The following FOXP2 variants were observed in gnomAD, a reference collection of about 807,000 sequenced individuals.
The protein encoded by FOXP2 is forkhead box protein P2.
FOXP2 carries 12 observed loss-of-function variants against 115.8 expected under a neutral mutation model. That is an observed-to-expected ratio of 0.10 (90% CI 0.07 to 0.17). FOXP2 has a LOEUF of 0.17. FOXP2 is among the 10% of genes least tolerant of loss of function. The probability of loss-of-function intolerance (pLI) is 1.00; values close to 1 mark genes in which losing one functional copy is unlikely to be tolerated. For synonymous variants in FOXP2, 328 were observed against 297.7 expected, an observed-to-expected ratio of 1.10 and a Z score of -1.05; for missense variants, 629 against 843.5, an observed-to-expected ratio of 0.75 and a Z score of 3.15.
chr7:114,648,883 T>C (rs1277648550), intron 8 of FOXP2, among the ~76,000 whole-genome samples: 1 of 152,064 alleles, frequency 6.6e-6, no homozygotes, highest in African/African-American at 2.4e-5. Flanking sequence ...CCTTTGCATT[T>C]TTTCTTCACC....
intron 1 of FOXP2, among the ~76,000 whole-genome samples, chr7:114,242,432 A>G (rs1457033285): frequency 1.3e-5 from 2 of 152,054 alleles, no homozygotes; most frequent in Non-Finnish European, 2.9e-5. Context: ...GTTTATAGAG[A>G]TGGAATGTTG....
intron 3 of FOXP2, among the ~76,000 whole-genome samples, chr7:114,539,687 T>C (rs929613749): frequency 3.9e-5 from 6 of 152,058 alleles, no homozygotes; most frequent in Non-Finnish European, 5.9e-5. Flanking sequence ...TAAAAGAATG[T>C]TATAGAATAC....
chr7:114,498,327 C>T (rs760318272), intron 2 of FOXP2, among the ~76,000 whole-genome samples: 11 of 152,100 alleles, frequency 7.2e-5, no homozygotes, highest in Non-Finnish European at 1.5e-4. Context: ...AAAACATTTG[C>T]ACCTCTTGTT....
At chr7:114,177,660 T>A (rs976755412) in intron 1 of FOXP2, among the ~76,000 whole-genome samples, 4 of 152,074 alleles carry the variant, frequency 2.6e-5, no homozygotes, top group Non-Finnish European at 5.9e-5. Context: ...TAACATATTT[T>A]TGTTTTGTTT....
At chr7:114,487,830 G>A (rs188626184) in intron 2 of FOXP2, among the ~76,000 whole-genome samples, 1 of 152,230 alleles carries the variant, frequency 6.6e-6, no homozygotes, top group Admixed American at 6.5e-5. Context: ...CAGCATATTG[G>A]TCAAAGCCGT....
At chr7:114,232,671 G>A (rs1794911390) in intron 1 of FOXP2, among the ~76,000 whole-genome samples, 1 of 152,028 alleles carries the variant, frequency 6.6e-6, no homozygotes, top group African/African-American at 2.4e-5. Flanking sequence ...AAATTATCCA[G>A]GCATGGTGGC....
chr7:114,626,909 T>C (rs973838014), intron 3 of FOXP2, among the ~76,000 whole-genome samples: 4 of 151,860 alleles, frequency 2.6e-5, no homozygotes, highest in Admixed American at 2.6e-4. Flanking sequence ...TAAATTCAAA[T>C]TCAGTAATTT....
intron 3 of FOXP2, among the ~76,000 whole-genome samples, chr7:114,558,898 T>G (rs894274368): frequency 2.0e-5 from 3 of 152,218 alleles, no homozygotes; most frequent in African/African-American, 7.2e-5. Context: ...TAGTGGTTGG[T>G]GTTCTGTAGT....
intron 1 of FOXP2, among the ~76,000 whole-genome samples, chr7:114,117,608 A>G (rs1791445341): frequency 6.6e-6 from 1 of 152,100 alleles, no homozygotes; most frequent in African/African-American, 2.4e-5. Flanking sequence ...AATTACTTTA[A>G]ACTTCTGTTT....
chr7:114,187,368 C>T (rs1793634859), intron 1 of FOXP2, among the ~76,000 whole-genome samples: 1 of 152,144 alleles, frequency 6.6e-6, no homozygotes, highest in South Asian at 2.1e-4. Flanking sequence ...TTCTGCCCTC[C>T]ATAAAGTCCT....
At chr7:114,270,868 T>A (rs774661651) in intron 1 of FOXP2, among the ~76,000 whole-genome samples, 11 of 152,092 alleles carry the variant, frequency 7.2e-5, no homozygotes, top group Non-Finnish European at 1.6e-4. Context: ...CTTTGGTATC[T>A]AAAAAATCAT....
chr7:114,603,243 A>G (rs1803130663), intron 3 of FOXP2, among the ~76,000 whole-genome samples: 1 of 152,188 alleles, frequency 6.6e-6, no homozygotes, highest in Non-Finnish European at 1.5e-5. Context: ...TTTACCCACT[A>G]TCATAAAACC....
At chr7:114,436,196 T>C (rs1794339423) in intron 2 of FOXP2, among the ~76,000 whole-genome samples, 1 of 151,968 alleles carries the variant, frequency 6.6e-6, no homozygotes, top group Non-Finnish European at 1.5e-5. Context: ...AAATAATTAA[T>C]ATAATTATTA....
chr7:114,437,378 G>T (rs1262742423), intron 2 of FOXP2, among the ~76,000 whole-genome samples: 1 of 152,184 alleles, frequency 6.6e-6, no homozygotes, highest in East Asian at 1.9e-4. Flanking sequence ...TGTACATGGA[G>T]CAGCGCCTTA....
upstream of FOXP2, among the ~76,000 whole-genome samples, chr7:114,159,454 C>T (rs1384020790): frequency 6.8e-6 from 1 of 148,124 alleles, no homozygotes; most frequent in Non-Finnish European, 1.5e-5. Context: ...CTAATTCCAA[C>T]AAATGATTTT....
chr7:114,186,032 C>A (rs1399236921), intron 1 of FOXP2, among the ~76,000 whole-genome samples: 4 of 151,914 alleles, frequency 2.6e-5, no homozygotes, highest in Non-Finnish European at 1.5e-5. Flanking sequence ...TTTATAATGG[C>A]ACCAATTCCA....
At chr7:114,350,177 C>T (rs554861539) in intron 2 of FOXP2, among the ~76,000 whole-genome samples, 2 of 152,112 alleles carry the variant, frequency 1.3e-5, no homozygotes, top group East Asian at 1.9e-4. Flanking sequence ...TTGTGCAGAA[C>T]GAGCAGGTTT....
At chr7:114,453,045 T>C (rs1795137328) in intron 2 of FOXP2, among the ~76,000 whole-genome samples, 1 of 152,108 alleles carries the variant, frequency 6.6e-6, no homozygotes, top group Admixed American at 6.6e-5. Context: ...CAAAACTCTC[T>C]GATATAGTTC....
chr7:114,225,172 A>C (rs550864942), intron 1 of FOXP2, among the ~76,000 whole-genome samples: 71 of 152,070 alleles, frequency 4.7e-4, no homozygotes, highest in African/African-American at 1.7e-3. Context: ...TGCTTTGAGT[A>C]TTAAGGGGTG....
Sources: gnomAD v4.1 joint callset for allele counts (sites outside exome capture counted in the v4.1 genomes callset) on GRCh38, gnomAD v4.1.1 for gene constraint, MANE v1.5 for transcripts, NCBI Gene and HGNC (gene_info 2026-07-23, HGNC 2026-07-21) for gene names.